BACH2: variants seen among roughly 807,000 people sequenced by gnomAD.
The protein encoded by BACH2 is BACH transcriptional regulator 2, also known as transcription regulator protein BACH2.
Under a neutral mutation model 61.8 loss-of-function variants are expected in BACH2, and 5 were observed. The observed-to-expected ratio is 0.08, with a 90% CI of 0.04 to 0.17. The LOEUF (loss-of-function observed/expected upper bound fraction) is 0.17, where lower values mean the gene tolerates loss of function less well. Among genes scored for constraint, BACH2 ranks in the 10% least tolerant of loss-of-function variants. The probability of loss-of-function intolerance (pLI) is 1.00; values close to 1 mark genes in which losing one functional copy is unlikely to be tolerated. For missense variants in BACH2, 824 were observed against 1,091.1 expected (o/e 0.76, Z 3.45); for synonymous variants, 446 against 440.1 (o/e 1.01, Z -0.17).
intron 3 of BACH2, among the ~76,000 whole-genome samples, chr6:90,220,152 T>G (rs1769691700): frequency 6.6e-6 from 1 of 152,216 alleles, no homozygotes; most frequent in African/African-American, 2.4e-5. Context: ...TCACAATGTT[T>G]CCAAAGTATT....
At chr6:90,096,924 C>T (rs1255673188) in intron 4 of BACH2, among the ~76,000 whole-genome samples, 1 of 152,240 alleles carries the variant, frequency 6.6e-6, no homozygotes, top group African/African-American at 2.4e-5. Context: ...CTCCTGTGGT[C>T]ACATACCCTT....
At chr6:90,127,357 G>A (rs371184743) in intron 4 of BACH2, among the ~76,000 whole-genome samples, 82 of 152,228 alleles carry the variant, frequency 5.4e-4, no homozygotes, top group African/African-American at 1.9e-3. Context: ...CCTCTCCCCC[G>A]GCCTCTGTTA....
In BACH2 at chr6:90,274,873, G is replaced by A. The variant is rs117313860; in HGVS notation, c.-445-2932C>T. Among the ~76,000 whole-genome samples, 1,206 of 152,320 alleles carry A rather than the reference G, an allele frequency of 7.9e-3. 9 individuals carry two copies. The highest frequency in any genetic ancestry group is 0.02 in the Middle Eastern group (6 of 294). On this transcript the variant is annotated intron_variant, in intron 1 of 8. Transcript: ENST00000257749. ...ATCAAATACCTGGGGCACTGAAGAG[G>A]CTGAAGCAGCAAATCCTCTGGTAGA... is the stretch of plus-strand genomic sequence containing the variant.
intron 3 of BACH2, among the ~76,000 whole-genome samples, chr6:90,223,533 A>AT (rs1327042705): frequency 6.6e-6 from 1 of 152,066 alleles, no homozygotes; most frequent in African/African-American, 2.4e-5. Flanking sequence ...CAGTGGCGTG[A>AT]TCTCAGCTCA....
intron 5 of BACH2, among the ~76,000 whole-genome samples, chr6:90,053,362 C>T (rs1780150963): frequency 6.6e-6 from 1 of 152,098 alleles, no homozygotes; most frequent in African/African-American, 2.4e-5. Context: ...TCACTGCAGT[C>T]TTCAACTCCT....
At chr6:90,194,767 A>G (rs1768698358) in intron 4 of BACH2, among the ~76,000 whole-genome samples, 1 of 152,204 alleles carries the variant, frequency 6.6e-6, no homozygotes, top group African/African-American at 2.4e-5. Context: ...CAGCCTTGCC[A>G]TGGTCAGAAA....
chr6:90,295,760 T>C (rs1772337147), intron 1 of BACH2, among the ~76,000 whole-genome samples: 1 of 151,976 alleles, frequency 6.6e-6, no homozygotes, highest in Non-Finnish European at 1.5e-5. Context: ...CGCCCTTAGG[T>C]CTTAGCTACG....
Position 90,077,585 on chromosome 6 carries a change from T to A in BACH2, c.-13+11376A>T, listed in dbSNP as rs534015571. ...AGAATACTAATATATAAATTATAAG[T>A]CACAAGTTGTATCTGGGACAGGGAT... is the stretch of plus-strand genomic sequence containing the variant. On this transcript the variant is annotated intron_variant, in intron 5 of 8. Transcript: ENST00000257749. 6.2e-4 allele frequency among the ~76,000 whole-genome samples: 94 copies of A among 152,154 alleles called. No homozygotes were observed. In the Middle Eastern group the frequency reaches 0.014, roughly 22 times the overall value.
chr6:90,153,380 C>T (rs1319888264), intron 4 of BACH2, among the ~76,000 whole-genome samples: 1 of 152,040 alleles, frequency 6.6e-6, no homozygotes, highest in Non-Finnish European at 1.5e-5. Flanking sequence ...AAATACTACT[C>T]CTCAAAATAA....
intron 6 of BACH2, among the ~76,000 whole-genome samples, chr6:89,968,494 A>C (rs147942200): frequency 6.6e-6 from 1 of 152,274 alleles, no homozygotes; most frequent in Admixed American, 6.5e-5. Context: ...GAAAGAATTA[A>C]CAAAAGTCCA....
intron 4 of BACH2, among the ~76,000 whole-genome samples, chr6:90,171,472 A>G (rs1767812664): frequency 6.6e-6 from 1 of 152,086 alleles, no homozygotes; most frequent in African/African-American, 2.4e-5. Context: ...CAGAAATTAC[A>G]TATCCATGTG....
At chr6:89,990,451 C>T (rs933214667) in intron 6 of BACH2, among the ~76,000 whole-genome samples, 4 of 152,160 alleles carry the variant, frequency 2.6e-5, no homozygotes, top group South Asian at 2.1e-4. Flanking sequence ...TTGCCATCCA[C>T]CTACCCAACC....
At position 90,002,899 on chromosome 6, in the gene BACH2, C is replaced by T. The variant is rs191620670; in HGVS notation, c.243+5703G>A. The stretch of plus-strand genomic sequence containing the variant: ...TCTTCCAATAGTTGAGGCCCTAAGC[C>T]TGGATGTTATCTGTGACTCCTCTCT... On this transcript the variant is annotated intron_variant, in intron 6 of 8. Coordinates refer to ENST00000257749, the MANE Select transcript of BACH2 (RefSeq NM_021813.4). Among the ~76,000 whole-genome samples the T allele has an allele frequency of 3.9e-5, 6 of 152,310 alleles. No homozygotes were observed. In the East Asian group the frequency reaches 9.6e-4, roughly 24 times the overall value.
intron 3 of BACH2, among the ~76,000 whole-genome samples, chr6:90,237,705 G>C (rs1228537207): frequency 6.6e-6 from 1 of 152,164 alleles, no homozygotes; most frequent in Non-Finnish European, 1.5e-5. Context: ...GAATGAACCT[G>C]CTGGGAAATG....
At chr6:90,130,238 G>A (rs777609183) in intron 4 of BACH2, among the ~76,000 whole-genome samples, 3 of 152,106 alleles carry the variant, frequency 2.0e-5, no homozygotes, top group Non-Finnish European at 2.9e-5. Flanking sequence ...GAGATGCAGT[G>A]AGAAGTCGTA....
chr6:90,047,280 A>G (rs935824317), intron 5 of BACH2, among the ~76,000 whole-genome samples: 6 of 152,248 alleles, frequency 3.9e-5, no homozygotes, highest in African/African-American at 1.4e-4. Context: ...GTTATCAGGG[A>G]TGGGGGGCAG....
chr6:90,188,736 A>T (rs1341156549), intron 4 of BACH2, among the ~76,000 whole-genome samples: 2 of 149,404 alleles, frequency 1.3e-5, no homozygotes, highest in Non-Finnish European at 3.0e-5. Context: ...CCAATCTAGT[A>T]ATAAGGTCTG....
intron 6 of BACH2, among the ~76,000 whole-genome samples, chr6:89,998,992 T>G (rs1776994367): frequency 6.6e-6 from 1 of 152,212 alleles, no homozygotes; most frequent in Non-Finnish European, 1.5e-5. Flanking sequence ...TATCCTCAGA[T>G]TTGTGCCAAA....
chr6:90,190,020 T>G (rs1768514707), intron 4 of BACH2, among the ~76,000 whole-genome samples: 2 of 152,186 alleles, frequency 1.3e-5, no homozygotes, highest in South Asian at 4.1e-4. Flanking sequence ...CTCGGCTCAC[T>G]GCAACCTCTG....
Sources: gnomAD v4.1 joint callset for allele counts (sites outside exome capture counted in the v4.1 genomes callset) on GRCh38, gnomAD v4.1.1 for gene constraint, MANE v1.5 for transcripts, NCBI Gene and HGNC (gene_info 2026-07-23, HGNC 2026-07-21) for gene names.